Variants in ANKDD1A observed in about 807,000 individuals in gnomAD.
ANKDD1A encodes the protein ankyrin repeat and death domain-containing protein 1A.
ANKDD1A carries 59 observed loss-of-function variants against 63.5 expected under a neutral mutation model. The ratio of observed to expected loss-of-function variants is 0.93; its 90% confidence interval spans 0.75 to 1.15. The LOEUF is 1.15. Ranked by LOEUF, ANKDD1A falls within the 50% of genes most tolerant of loss-of-function variation. The probability of loss-of-function intolerance (pLI) is 0.00; values close to 1 mark genes in which losing one functional copy is unlikely to be tolerated. For missense variants in ANKDD1A, 632 were observed against 656.4 expected, an observed-to-expected ratio of 0.96 and a Z score of 0.41; for synonymous variants, 266 against 263.9, an observed-to-expected ratio of 1.01 and a Z score of -0.08.
chr15:64,915,275 A>G (rs886583749), intron 1 of ANKDD1A, among the ~76,000 whole-genome samples: 6 of 152,222 alleles, frequency 3.9e-5, no homozygotes, highest in African/African-American at 1.4e-4. Flanking sequence ...ACTGCACTCC[A>G]GCCTGGGCAA....
Position 64,930,921 on chromosome 15 carries a change from G to A in ANKDD1A, c.669+1G>A, listed in dbSNP as rs763599633. ...GCTGGACCTGGAGGAGCAGAATGCG[G>A]TGAGTCACCGCCTGGGGATGGCGAG... is the stretch of plus-strand genomic sequence containing the variant. On this transcript the variant is annotated splice_donor_variant, in intron 7 of 14. Transcript: ENST00000319580. LOFTEE classifies it high-confidence loss of function. The A allele has an allele frequency of 6.2e-7, 1 of 1,610,348 alleles. No homozygotes were observed. Among genetic ancestry groups the A allele is most frequent in the Non-Finnish European group, 8.5e-7 (1 of 1,179,886 alleles).
chr15:64,950,440 A>T lies in ANKDD1A; in HGVS notation c.1483+468A>T, dbSNP rs908622551. ...TGAGTATGCCAATCTCAAAAGCCTG[A>T]TATGGGATTCAGTGTTCTGTGGAAT... On this transcript the variant is annotated intron_variant, in intron 14 of 14. Coordinates refer to ENST00000319580, the MANE Select transcript of ANKDD1A (RefSeq NM_182703.6). 8 of 985,314 alleles carry T rather than the reference A, an allele frequency of 8.1e-6. No individual in the cohort carries two copies. In the African/African-American group the frequency reaches 1.2e-4, roughly 15 times the overall value. 61.0% of individuals were successfully genotyped at this position (985,314 alleles called of 1,614,324 possible).
chr15:64,925,231 A>C (rs2085037506), intron 4 of ANKDD1A, among the ~76,000 whole-genome samples: 1 of 150,646 alleles, frequency 6.6e-6, no homozygotes, highest in African/African-American at 2.4e-5. Context: ...CCGACTCAAA[A>C]AAAAAAAAAA....
chr15:64,924,055 G>T (rs1370107900), intron 4 of ANKDD1A, among the ~76,000 whole-genome samples: 1 of 152,234 alleles, frequency 6.6e-6, no homozygotes, highest in Admixed American at 6.5e-5. Context: ...TTCTGTGGTT[G>T]GCGGGCAGTT....
At chr15:64,930,141 T>C (rs1288521393) in intron 6 of ANKDD1A, among the ~76,000 whole-genome samples, 1 of 151,978 alleles carries the variant, frequency 6.6e-6, no homozygotes. Flanking sequence ...AGCTAATGCA[T>C]GCAGTGCTTA....
chr15:64,943,439 C>CCCTA, intron 10 of ANKDD1A, 45 bp from the exon 11 acceptor site: 1 of 1,557,396 alleles, frequency 6.4e-7, no homozygotes, highest in Admixed American at 1.7e-5. Context: ...AGTGGGCCAC[C>CCCTA]CCTACATGCT....
intron 12 of ANKDD1A, 103 bp downstream of exon 12, chr15:64,944,850 TC>T (rs2085211233): frequency 2.7e-6 from 3 of 1,117,568 alleles, no homozygotes; most frequent in Non-Finnish European, 3.8e-6. Context: ...TCTGGGTCCC[TC>T]AGTCTCCAAG....
intron 9 of ANKDD1A, among the ~76,000 whole-genome samples, chr15:64,936,747 A>G (rs1405997015): frequency 6.6e-6 from 1 of 152,096 alleles, no homozygotes; most frequent in Non-Finnish European, 1.5e-5. Context: ...TGGGGGCTGA[A>G]GTTGAAGGAT....
chr15:64,929,914 A>G (rs2085075716), intron 6 of ANKDD1A, among the ~76,000 whole-genome samples: 1 of 152,238 alleles, frequency 6.6e-6, no homozygotes, highest in African/African-American at 2.4e-5. Context: ...CTATGCAGCC[A>G]TAAAAAGGAA....
At chr15:64,913,457 CA>C (rs1232108923) in intron 1 of ANKDD1A, among the ~76,000 whole-genome samples, 2 of 152,250 alleles carry the variant, frequency 1.3e-5, no homozygotes, top group Admixed American at 6.5e-5. Context: ...GACACTGTGC[CA>C]GGGGGTTTTC....
intron 9 of ANKDD1A, 109 bp downstream of exon 9, chr15:64,934,343 C>G (rs888342459): frequency 4.0e-6 from 4 of 999,268 alleles, no homozygotes; most frequent in Non-Finnish European, 5.8e-6. Context: ...GGTTGGGGTG[C>G]GGACCAGGAG....
chr15:64,923,989 C>G (rs185485398), intron 4 of ANKDD1A, among the ~76,000 whole-genome samples: 2 of 152,330 alleles, frequency 1.3e-5, no homozygotes, highest in Admixed American at 1.3e-4. Context: ...GGCAACAAAT[C>G]ACTCTAAAAT....
chr15:64,941,490 GTGTAAC>G (rs72141386), intron 9 of ANKDD1A, among the ~76,000 whole-genome samples: 7,097 of 152,188 alleles, frequency 0.047, 564 homozygotes, highest in African/African-American at 0.16. Flanking sequence ...TGCTAGCTCT[GTGTAAC>G]TATACAATTA....
chr15:64,925,017 G>A (rs964116183), intron 4 of ANKDD1A, among the ~76,000 whole-genome samples: 7 of 151,464 alleles, frequency 4.6e-5, no homozygotes, highest in African/African-American at 9.7e-5. Context: ...GCCTGAGTTC[G>A]GGAGTTCGAA....
intron 9 of ANKDD1A, among the ~76,000 whole-genome samples, chr15:64,937,599 ACG>A (rs1448066241): frequency 2.0e-5 from 3 of 150,200 alleles, no homozygotes; most frequent in African/African-American, 4.9e-5. Flanking sequence ...GTGGTGGCAC[ACG>A]CCTGTAGTCC....
Position 64,949,891 on chromosome 15 carries a change from C to T in ANKDD1A, c.1402C>T (p.His468Tyr). Reference sequence around the variant, plus strand: ...CCACCGAATGCTGCTCATTTGGCTGCATGGCGTGGCCACGGCTGGTGAGAA... The same window carrying T: ...CCACCGAATGCTGCTCATTTGGCTGTATGGCGTGGCCACGGCTGGTGAGAA... ...HGHRMLLIWL[H>Y]GVATAGENPS... The change falls in exon 14 of 15, where the codon CAT becomes TAT. Residue 468 changes from histidine to tyrosine, a missense_variant. His to Tyr is a moderately conservative substitution (Grantham distance 83). Coordinates refer to ENST00000319580, the MANE Select transcript of ANKDD1A (RefSeq NM_182703.6). 6.2e-7 allele frequency: 1 copy of T among 1,606,502 alleles called. No individual in the cohort carries two copies. Among genetic ancestry groups the T allele is most frequent in the South Asian group, 1.1e-5 (1 of 91,082 alleles).
At chr15:64,936,901 A>G (rs1345171632) in intron 9 of ANKDD1A, among the ~76,000 whole-genome samples, 2 of 152,202 alleles carry the variant, frequency 1.3e-5, no homozygotes, top group Non-Finnish European at 2.9e-5. Context: ...AACAAACAAC[A>G]CAAGAGAAAA....
At chr15:64,912,739 A>T (rs8035615) in intron 1 of ANKDD1A, among the ~76,000 whole-genome samples, 56,178 of 152,182 alleles carry the variant, frequency 0.37, 10,644 homozygotes, top group Non-Finnish European at 0.41. Context: ...TTCCCTCAAA[A>T]GCGCATAGTG....
chr15:64,930,856 G>C lies in ANKDD1A; in HGVS notation c.605G>C (p.Arg202Pro). 2.5e-6 allele frequency: 4 copies of C among 1,613,034 alleles called. No homozygotes were observed. Among genetic ancestry groups the C allele is most frequent in the Non-Finnish European group, 3.4e-6 (4 of 1,179,968 alleles). Residue 202 changes from arginine to proline, a missense_variant, in exon 7 of 15, where the codon CGG becomes CCG. By Grantham distance (103) the Arg-to-Pro change is moderately radical. Transcript: ENST00000319580. ...ACTGCCCTTCATCTGGCTGCTGGTCGGGGCCATATGGCTGTGCTGCAGCGA... is the reference window on the plus strand; with the variant it reads ...ACTGCCCTTCATCTGGCTGCTGGTCCGGGCCATATGGCTGTGCTGCAGCGA... ...GNTALHLAAGRGHMAVLQRLV... is the reference protein window; with the variant it reads ...GNTALHLAAGPGHMAVLQRLV...
Sources: gnomAD v4.1 joint callset for allele counts (sites outside exome capture counted in the v4.1 genomes callset) on GRCh38, gnomAD v4.1.1 for gene constraint, MANE v1.5 for transcripts, NCBI Gene and HGNC (gene_info 2026-07-23, HGNC 2026-07-21) for gene names.